SEZ6L: variants seen among roughly 807,000 people sequenced by gnomAD.
SEZ6L encodes the protein seizure 6-like protein.
SEZ6L carries 37 observed loss-of-function variants against 106.2 expected under a neutral mutation model. The ratio of observed to expected loss-of-function variants is 0.35; its 90% confidence interval spans 0.27 to 0.46. The LOEUF is 0.46. Ranked by LOEUF, SEZ6L falls within the 20% of genes least tolerant of loss-of-function variation. The pLI, the probability that SEZ6L is intolerant of heterozygous loss-of-function variation, is 1.00. For missense variants in SEZ6L, 1,172 were observed against 1,332.8 expected, an observed-to-expected ratio of 0.88 and a Z score of 1.88; for synonymous variants, 541 against 570.4, an observed-to-expected ratio of 0.95 and a Z score of 0.73.
intron 4 of SEZ6L, 29 bp from the exon 5 acceptor site, chr22:26,298,955 A>C (rs1259991381): frequency 6.6e-7 from 1 of 1,522,550 alleles, no homozygotes; most frequent in Non-Finnish European, 8.8e-7. Flanking sequence ...CCAAGTGATG[A>C]CTGAGTCTGC....
chr22:26,274,948 C>A (rs1198274436), intron 1 of SEZ6L, among the ~76,000 whole-genome samples: 4 of 152,224 alleles, frequency 2.6e-5, no homozygotes, highest in Non-Finnish European at 5.9e-5. Context: ...CCAAGGCCCC[C>A]ACCATCAATC....
intron 1 of SEZ6L, among the ~76,000 whole-genome samples, chr22:26,278,215 G>C (rs2080617230): frequency 6.6e-6 from 1 of 152,202 alleles, no homozygotes. Context: ...TGTGGAGTGA[G>C]GGCCACGCAA....
chr22:26,302,899 C>T (rs985832), intron 5 of SEZ6L, among the ~76,000 whole-genome samples: 1 of 152,204 alleles, frequency 6.6e-6, no homozygotes, highest in Non-Finnish European at 1.5e-5. Context: ...CAGAGCCCCC[C>T]ACCAGGGACA....
rs78599565 is a variant in SEZ6L at position 26,347,656 on chromosome 22, T to C, written c.2213-63T>C. The C allele has an allele frequency of 9.9e-4, 1,403 of 1,423,188 alleles. 19 individuals carry two copies. In the African/African-American group the frequency reaches 0.019, roughly 19 times the overall value. The allele number at this position is 1,423,188 out of a possible 1,614,324, so 88.2% of individuals were successfully genotyped here. A position where few individuals can be genotyped will look rare whatever the true frequency, so the allele number is the denominator to read the frequency against. On this transcript the variant is annotated intron_variant, in intron 10 of 16. Transcript: ENST00000248933. ...TCTTCGCTCATCCCTCTAGCCGTCA[T>C]AAAAGGAGGCCCCGACAACAAGACT... is the stretch of plus-strand genomic sequence containing the variant.
chr22:26,330,246 C>T (rs985900261), intron 9 of SEZ6L, among the ~76,000 whole-genome samples: 21 of 145,980 alleles, frequency 1.4e-4, no homozygotes, highest in African/African-American at 4.5e-4. Flanking sequence ...GTTTGGATTC[C>T]GGCTCTGCTA....
At chr22:26,264,699 A>G (rs75344503) in intron 1 of SEZ6L, among the ~76,000 whole-genome samples, 2 of 152,202 alleles carry the variant, frequency 1.3e-5, no homozygotes, top group African/African-American at 2.4e-5. Flanking sequence ...TAGACAATAC[A>G]TAAAAAGAAA....
intron 1 of SEZ6L, among the ~76,000 whole-genome samples, chr22:26,270,064 CT>C (rs374906911): frequency 1.1e-4 from 17 of 152,326 alleles, no homozygotes; most frequent in African/African-American, 3.8e-4. Flanking sequence ...CCCAGGGACA[CT>C]GCTAAGCCTG....
rs1010891076 is a variant in SEZ6L at position 26,300,165 on chromosome 22, T to A, written c.1348+996T>A. On this transcript the variant is annotated intron_variant, in intron 5 of 16. Transcript: ENST00000248933. ...GTCAGGTCCTTTGCCCATTTTTTTT[T>A]AATTATACTTTAAGTTTTAGGGTAC... Among the ~76,000 whole-genome samples the A allele has an allele frequency of 3.2e-3, 478 of 150,496 alleles. 3 individuals carry two copies. Among genetic ancestry groups the A allele is most frequent in the Middle Eastern group, 0.01 (3 of 290 alleles).
intron 12 of SEZ6L, among the ~76,000 whole-genome samples, chr22:26,355,992 G>T (rs2083424762): frequency 6.6e-6 from 1 of 152,174 alleles, no homozygotes; most frequent in Admixed American, 6.5e-5. Context: ...TGCCCTCTCT[G>T]GGCCTCAGAG....
At chr22:26,264,021 G>A (rs908904844) in intron 1 of SEZ6L, among the ~76,000 whole-genome samples, 1 of 152,210 alleles carries the variant, frequency 6.6e-6, no homozygotes, top group East Asian at 1.9e-4. Flanking sequence ...CCTCACGTGT[G>A]AAACCCCCCA....
chr22:26,199,731 T>C (rs532258792), intron 1 of SEZ6L, among the ~76,000 whole-genome samples: 1 of 152,344 alleles, frequency 6.6e-6, no homozygotes, highest in East Asian at 1.9e-4. Context: ...TCCTAAGTTA[T>C]ACTCTCAGCA....
In SEZ6L at chr22:26,380,371, G is replaced by A. The variant is rs2084376863; in HGVS notation, c.*76G>A. The A allele has an allele frequency of 8.3e-7, 1 of 1,211,734 alleles. No individual in the cohort carries two copies. The highest frequency in any genetic ancestry group is 1.2e-6 in the Non-Finnish European group (1 of 822,280). 75.1% of individuals were successfully genotyped at this position (1,211,734 alleles called of 1,614,324 possible). A position where few individuals can be genotyped will look rare whatever the true frequency, so the allele number is the denominator to read the frequency against. On this transcript the variant is annotated 3_prime_UTR_variant, in exon 17 of 17. Transcript: ENST00000248933. ...GAGACATTCATCCAGAGACCATGTG[G>A]CACTTGATTGAAACCCCAGAATGTC...
At chr22:26,274,238 G>A (rs75003611) in intron 1 of SEZ6L, among the ~76,000 whole-genome samples, 5,995 of 152,262 alleles carry the variant, frequency 0.039, 164 homozygotes, top group Non-Finnish European at 0.057. Context: ...GTTGAGAGGA[G>A]CAAATGAAAT....
chr22:26,215,984 C>G (rs2078287694), intron 1 of SEZ6L, among the ~76,000 whole-genome samples: 1 of 152,194 alleles, frequency 6.6e-6, no homozygotes, highest in African/African-American at 2.4e-5. Context: ...CCGGATGCTC[C>G]TTATTGCATG....
rs757676977 is a variant in SEZ6L at position 26,313,856 on chromosome 22, A to G, written c.1969A>G (p.Lys657Glu). 1 of 1,612,314 alleles carries G rather than the reference A, an allele frequency of 6.2e-7. No homozygotes were observed. The highest frequency in any genetic ancestry group is 1.1e-5 in the South Asian group (1 of 91,004). ...PYVEGEDCIW[K>E]IHVGEEKRIF... Reference sequence around the variant, plus strand: ...CGTGGAAGGTGAAGATTGTATCTGGAAGATCCACGTGGGAGAAGAGAAACG... The same window carrying G: ...CGTGGAAGGTGAAGATTGTATCTGGGAGATCCACGTGGGAGAAGAGAAACG... Residue 657 changes from lysine to glutamate, a missense_variant, in exon 9 of 17, where the codon AAG (lysine) becomes GAG (glutamate). Physicochemically the swap from Lys to Glu is moderately conservative, Grantham distance 56 (BLOSUM62 1). Coordinates refer to ENST00000248933, the MANE Select transcript of SEZ6L (RefSeq NM_021115.5).
chr22:26,215,873 G>A (rs1412162860), intron 1 of SEZ6L, among the ~76,000 whole-genome samples: 1 of 152,218 alleles, frequency 6.6e-6, no homozygotes, highest in Non-Finnish European at 1.5e-5. Flanking sequence ...GATGAGCTGA[G>A]CCTTATCTAC....
intron 1 of SEZ6L, among the ~76,000 whole-genome samples, chr22:26,185,411 C>G (rs1322018800): frequency 6.6e-6 from 1 of 152,180 alleles, no homozygotes; most frequent in Admixed American, 6.5e-5. Context: ...ATTTCTGTCC[C>G]TCTCTGGTCT....
chr22:26,245,976 T>C (rs1314359185), intron 1 of SEZ6L, among the ~76,000 whole-genome samples: 2 of 152,232 alleles, frequency 1.3e-5, no homozygotes, highest in African/African-American at 2.4e-5. Flanking sequence ...TGAAACTCTA[T>C]GCCAAAGCAG....
chr22:26,293,114 C>A lies in SEZ6L; in HGVS notation c.803C>A (p.Thr268Asn). ...GAGACCACTACCTCCACCATTATCACCACCACGGTCATCACCACCGAGCAG... is the reference window on the plus strand; with the variant it reads ...GAGACCACTACCTCCACCATTATCAACACCACGGTCATCACCACCGAGCAG... Reference protein sequence around the residue: ...SQETTTSTIITTTVITTEQAP... With the variant: ...SQETTTSTIINTTVITTEQAP... Residue 268 changes from threonine (T) to asparagine (N), a missense_variant, in exon 2 of 17, where the codon ACC becomes AAC. By Grantham distance (65) the Thr-to-Asn change is moderately conservative. Coordinates refer to ENST00000248933, the MANE Select transcript of SEZ6L (RefSeq NM_021115.5). The A allele has an allele frequency of 1.9e-6, 3 of 1,585,496 alleles. No individual in the cohort carries two copies. The highest frequency in any genetic ancestry group is 1.7e-6 in the Non-Finnish European group (2 of 1,171,706).
Sources: allele counts gnomAD v4.1 joint callset (sites outside exome capture counted in the v4.1 genomes callset), GRCh38; gene constraint gnomAD v4.1.1; transcripts MANE v1.5; gene names NCBI Gene and HGNC (gene_info 2026-07-23, HGNC 2026-07-21).